Variants in KCTD1 observed in about 807,000 individuals in gnomAD.
KCTD1 encodes the protein BTB/POZ domain-containing protein KCTD1.
In KCTD1, 24 loss-of-function variants were observed where a neutral mutation model predicts 66.0. That is an observed-to-expected ratio of 0.36 (90% CI 0.26 to 0.51). The LOEUF (loss-of-function observed/expected upper bound fraction) is 0.51. Among genes scored for constraint, KCTD1 ranks in the 20% least tolerant of loss-of-function variants. The probability of loss-of-function intolerance (pLI) is 0.95; values close to 1 mark genes in which losing one functional copy is unlikely to be tolerated. For missense variants in KCTD1, 943 were observed against 1,205.2 expected (o/e 0.78, Z 3.22); for synonymous variants, 511 against 517.2 (o/e 0.99, Z 0.16).
chr18:26,522,386 G>A (rs973597482), intron 1 of KCTD1, among the ~76,000 whole-genome samples: 8 of 152,274 alleles, frequency 5.3e-5, no homozygotes, highest in African/African-American at 1.9e-4. Flanking sequence ...CCCACGAGCA[G>A]CTAGGAAGAA....
chr18:26,545,805 T>C (rs1985184444), intron 1 of KCTD1: 1 of 152,042 alleles, frequency 6.6e-6, no homozygotes, highest in Non-Finnish European at 1.5e-5. Context: ...AATCTAACAC[T>C]AGAGGCCCCA....
At chr18:26,544,226 C>T (rs1042457749) in intron 1 of KCTD1, 4 of 151,682 alleles carry the variant, frequency 2.6e-5, no homozygotes, top group African/African-American at 7.3e-5. Flanking sequence ...GCCATAATTC[C>T]TCACTCCCCC....
intron 1 of KCTD1, among the ~76,000 whole-genome samples, chr18:26,555,076 G>A (rs1985674848): frequency 6.6e-6 from 1 of 152,148 alleles, no homozygotes; most frequent in African/African-American, 2.4e-5. Flanking sequence ...AATTATGGTG[G>A]AAAAGGAGAT....
intron 1 of KCTD1, among the ~76,000 whole-genome samples, chr18:26,572,257 A>G (rs969844657): frequency 2.0e-5 from 3 of 152,070 alleles, no homozygotes; most frequent in Non-Finnish European, 4.4e-5. Flanking sequence ...ACAGGGTTTC[A>G]CCATATTGGT....
At chr18:26,617,850 AG>A (rs1344195061) in intron 1 of KCTD1, among the ~76,000 whole-genome samples, 11 of 5,186 alleles carry the variant, frequency 2.1e-3, no homozygotes, top group African/African-American at 2.3e-3. Context: ...GAAGGAAGGA[AG>A]GGAGGGAGGG....
At position 26,605,762 on chromosome 18, in the gene KCTD1, ATC is replaced by A. The variant is rs1459365278; in HGVS notation, c.-16+23383_-16+23384del. On this transcript the variant is annotated intron_variant, in intron 1 of 4. Transcript: ENST00000317932. ...TATCTATCTATCTATCTATCTATCT[ATC>A]TATCTATATTACATCTTAGTAACTG... Among the ~76,000 whole-genome samples the A allele has an allele frequency of 9.7e-4, 131 of 134,442 alleles. 2 individuals carry two copies. The highest frequency in any genetic ancestry group is 2.8e-3 in the African/African-American group (99 of 35,632). The allele number at this position is 134,442 out of a possible 152,430, so 88.2% of individuals were successfully genotyped here. A position where few individuals can be genotyped will look rare whatever the true frequency, so the allele number is the denominator to read the frequency against.
intron 2 of KCTD1, among the ~76,000 whole-genome samples, chr18:26,491,811 T>G (rs1251941292): frequency 6.6e-6 from 1 of 152,200 alleles, no homozygotes; most frequent in Non-Finnish European, 1.5e-5. Context: ...TGAAATATCA[T>G]AGACAACTTG....
chr18:26,467,136 G>GTTT lies in KCTD1; in HGVS notation c.2134-7214_2134-7212dup, dbSNP rs71376962. ...GTGGTGGGAACATACGGTATAGTTTGTTTTTTTTTTTTTGGTTTGTCTATA... is the reference window on the plus strand; with the variant it reads ...GTGGTGGGAACATACGGTATAGTTTGTTTTTTTTTTTTTTTTGGTTTGTCTATA... On this transcript the variant is annotated intron_variant, in intron 3 of 4. Coordinates refer to ENST00000580059, the MANE Select transcript of KCTD1 (RefSeq NM_001142730.3). Among the ~76,000 whole-genome samples, 446 of 130,286 alleles carry GTTT rather than the reference G, an allele frequency of 3.4e-3. 2 individuals carry two copies. Among genetic ancestry groups the GTTT allele is most frequent in the African/African-American group, 0.012 (384 of 31,508 alleles). The allele number at this position is 130,286 out of a possible 152,430, so 85.5% of individuals were successfully genotyped here. A position where few individuals can be genotyped will look rare whatever the true frequency, so the allele number is the denominator to read the frequency against.
chr18:26,604,563 T>TA (rs1012630931), intron 1 of KCTD1, among the ~76,000 whole-genome samples: 3 of 152,164 alleles, frequency 2.0e-5, no homozygotes, highest in Admixed American at 2.0e-4. Flanking sequence ...TATGCAGCCA[T>TA]AAAAAATGAG....
chr18:26,587,453 T>C (rs1986495709), intron 1 of KCTD1, among the ~76,000 whole-genome samples: 2 of 152,240 alleles, frequency 1.3e-5, no homozygotes, highest in Admixed American at 1.3e-4. Flanking sequence ...TCTGCTAACA[T>C]AACATCCATT....
chr18:26,487,634 G>A (rs1383682439), intron 2 of KCTD1, among the ~76,000 whole-genome samples: 1 of 152,196 alleles, frequency 6.6e-6, no homozygotes. Flanking sequence ...CCAAGAAGGC[G>A]CTGACAGCAT....
chr18:26,522,555 T>A (rs1020760964), intron 1 of KCTD1, among the ~76,000 whole-genome samples: 1 of 152,168 alleles, frequency 6.6e-6, no homozygotes, highest in Non-Finnish European at 1.5e-5. Context: ...AGGAAAATAA[T>A]ATAATCTGGT....
At chr18:26,490,251 A>G (rs1982127821) in intron 2 of KCTD1, among the ~76,000 whole-genome samples, 1 of 152,204 alleles carries the variant, frequency 6.6e-6, no homozygotes, top group Admixed American at 6.5e-5. Context: ...GGGGAAACTT[A>G]AAACTAAAGA....
At chr18:26,625,567 TC>T (rs1987480949) in intron 1 of KCTD1, among the ~76,000 whole-genome samples, 1 of 152,182 alleles carries the variant, frequency 6.6e-6, no homozygotes, top group Non-Finnish European at 1.5e-5. Flanking sequence ...TCCTGAGGCT[TC>T]CCCAGCCCTG....
intron 1 of KCTD1, among the ~76,000 whole-genome samples, chr18:26,515,257 C>T (rs1333523874): frequency 1.3e-5 from 2 of 152,180 alleles, no homozygotes; most frequent in African/African-American, 4.8e-5. Flanking sequence ...AAAGACTTTA[C>T]GAACAATCAT....
At chr18:26,584,263 G>A (rs1986422643) in intron 1 of KCTD1, among the ~76,000 whole-genome samples, 1 of 152,200 alleles carries the variant, frequency 6.6e-6, no homozygotes, top group Non-Finnish European at 1.5e-5. Context: ...AAGACAAATT[G>A]AGATGTGCTG....
Position 26,547,416 on chromosome 18 carries a change from T to A in KCTD1, c.1121A>T (p.Asn374Ile). The change falls in exon 1 of 5, where the codon AAC (asparagine) becomes ATC (isoleucine). Residue 374 changes from asparagine (N) to isoleucine (I), a missense_variant. Physicochemically the swap from Asn to Ile is moderately radical, Grantham distance 149. Transcript: ENST00000580059. ...GCCCGTCTCATACATGCGGGGCAAG[T>A]TCTCCTCGTCGCTGCTCTCGGCGCG... ...KKRAESSDEE[N>I]LPRMYETGTE... The A allele has an allele frequency of 6.4e-7, 1 of 1,551,278 alleles. No individual in the cohort carries two copies. The highest frequency in any genetic ancestry group is 8.7e-7 in the Non-Finnish European group (1 of 1,146,734).
intron 1 of KCTD1, among the ~76,000 whole-genome samples, chr18:26,522,624 A>T (rs566111900): frequency 6.6e-6 from 1 of 152,144 alleles, no homozygotes; most frequent in African/African-American, 2.4e-5. Context: ...TAACTTTCTC[A>T]GGTTTAATCA....
chr18:26,648,224 G>A (rs1006737816), intron 1 of KCTD1, among the ~76,000 whole-genome samples: 4 of 152,156 alleles, frequency 2.6e-5, no homozygotes, highest in African/African-American at 9.7e-5. Flanking sequence ...GCTATAAATG[G>A]GAGTGGGACC....
Sources: allele counts gnomAD v4.1 joint callset (sites outside exome capture counted in the v4.1 genomes callset), GRCh38; gene constraint gnomAD v4.1.1; transcripts MANE v1.5; gene names NCBI Gene and HGNC (gene_info 2026-07-23, HGNC 2026-07-21).